Variants in AGO1 observed in about 807,000 individuals in gnomAD.
AGO1 encodes the protein argonaute RISC component 1.
A neutral mutation model predicts 109.2 loss-of-function variants in AGO1; 11 were observed. The observed-to-expected ratio is 0.10, with a 90% CI of 0.06 to 0.17. The LOEUF is 0.17. AGO1 is among the 10% of genes least tolerant of loss of function. AGO1 has a pLI of 1.00. For synonymous variants in AGO1, 422 were observed against 418.6 expected, an observed-to-expected ratio of 1.01 and a Z score of -0.10; for missense variants, 574 against 1,140.3, an observed-to-expected ratio of 0.50 and a Z score of 7.15.
intron 1 of AGO1, among the ~76,000 whole-genome samples, chr1:35,884,971 G>GC (rs1345871278): frequency 3.3e-5 from 5 of 151,784 alleles, no homozygotes; most frequent in African/African-American, 1.2e-4. Flanking sequence ...GAATTATTTT[G>GC]TTTTTTTTGT....
At chr1:35,878,143 G>A (rs1319611058) in intron 1 of AGO1, among the ~76,000 whole-genome samples, 1 of 151,866 alleles carries the variant, frequency 6.6e-6, no homozygotes, top group African/African-American at 2.4e-5. Flanking sequence ...GAGTGCAGTG[G>A]TGCAGTCTCG....
chr1:35,929,837 T>C lies in AGO1; in HGVS notation c.*10230T>C, dbSNP rs1445453595. 1 of 152,234 alleles carries C rather than the reference T, an allele frequency of 6.6e-6. No individual in the cohort carries two copies. The highest frequency in any genetic ancestry group is 1.5e-5 in the Non-Finnish European group (1 of 68,044). 9.4% of individuals were successfully genotyped at this position (152,234 alleles called of 1,614,324 possible). On this transcript the variant is annotated 3_prime_UTR_variant, in exon 19 of 19. Transcript: ENST00000373204. The stretch of plus-strand genomic sequence containing the variant: ...TGGGGAGGATTTTCTCTGTGCTTTA[T>C]GTATATTACCTAACCTTACAAACTG...
At chr1:35,875,829 T>C (rs920034846) in intron 1 of AGO1, among the ~76,000 whole-genome samples, 1 of 152,234 alleles carries the variant, frequency 6.6e-6, no homozygotes, top group African/African-American at 2.4e-5. Flanking sequence ...CTGATGGAGT[T>C]GTACAAGGAG....
intron 1 of AGO1, among the ~76,000 whole-genome samples, chr1:35,874,984 G>T (rs1644981191): frequency 6.6e-6 from 1 of 152,202 alleles, no homozygotes; most frequent in South Asian, 2.1e-4. Context: ...TTTGAAGCTA[G>T]TAGAGATTGG....
chr1:35,897,728 C>CA lies in AGO1; in HGVS notation c.1020+2468dup, dbSNP rs539302152. On this transcript the variant is annotated intron_variant, in intron 8 of 18. Transcript: ENST00000373204. The stretch of plus-strand genomic sequence containing the variant: ...TGGGCAACAGAGGGAGACCCTGTCT[C>CA]AAAAAAAAATAAAAAAACAGCTTTA... Among the ~76,000 whole-genome samples the CA allele has an allele frequency of 1.3e-3, 193 of 147,926 alleles. 1 individual carries two copies. The highest frequency in any genetic ancestry group is 3.4e-3 in the Middle Eastern group (1 of 290).
intron 12 of AGO1, among the ~76,000 whole-genome samples, chr1:35,908,525 A>G (rs768448145): frequency 6.6e-6 from 1 of 152,188 alleles, no homozygotes; most frequent in Non-Finnish European, 1.5e-5. Flanking sequence ...TTGATCACCT[A>G]TTATGTATGG....
intron 11 of AGO1, among the ~76,000 whole-genome samples, chr1:35,905,398 ATTTAC>A (rs1306778657): frequency 6.6e-6 from 1 of 152,096 alleles, no homozygotes; most frequent in Non-Finnish European, 1.5e-5. Flanking sequence ...TTTTTGTCAT[ATTTAC>A]TTTATCCTTT....
chr1:35,901,395 A>T lies in AGO1; in HGVS notation c.1021-79A>T. 1 of 1,583,892 alleles carries T rather than the reference A, an allele frequency of 6.3e-7. No homozygotes were observed. Among genetic ancestry groups the T allele is most frequent in the South Asian group, 1.1e-5 (1 of 88,482 alleles). ...CTTCCCCATGGCTGACAGCCAAGGT[A>T]TCTTTCCTTATTGTGGGGCTCTGGG... On this transcript the variant is annotated intron_variant, in intron 8 of 18. Coordinates refer to ENST00000373204, the MANE Select transcript of AGO1 (RefSeq NM_012199.5). The surrounding 1 kb of genome is among the most constrained non-coding windows in gnomAD (Gnocchi z 4.8).
intron 12 of AGO1, among the ~76,000 whole-genome samples, chr1:35,908,907 C>T (rs1435163818): frequency 6.6e-6 from 1 of 151,654 alleles, no homozygotes; most frequent in Non-Finnish European, 1.5e-5. Flanking sequence ...CAACCTCCAC[C>T]TCCCAGGTTC....
intron 1 of AGO1, among the ~76,000 whole-genome samples, chr1:35,875,052 G>A (rs1292468749): frequency 6.6e-6 from 1 of 152,238 alleles, no homozygotes; most frequent in Non-Finnish European, 1.5e-5. Flanking sequence ...AGGTGCTTAT[G>A]TAGAAGCTGC....
Position 35,922,310 on chromosome 1 carries a change from A to C in AGO1, c.*2703A>C, listed in dbSNP as rs2148727972. ...TACTCTGATTTTTTTGTAAAAAGATAATTTTTGAGACTTGAAAAATACCCC... is the reference window on the plus strand; with the variant it reads ...TACTCTGATTTTTTTGTAAAAAGATCATTTTTGAGACTTGAAAAATACCCC... On this transcript the variant is annotated 3_prime_UTR_variant, in exon 19 of 19. Transcript: ENST00000373204. 1 of 152,692 alleles carries C rather than the reference A, an allele frequency of 6.5e-6. No homozygotes were observed. Among genetic ancestry groups the C allele is most frequent in the African/African-American group, 2.4e-5 (1 of 41,580 alleles). The allele number at this position is 152,692 out of a possible 1,614,324, so 9.5% of individuals were successfully genotyped here.
intron 3 of AGO1, 128 bp from the exon 4 acceptor site, chr1:35,892,969 C>A: frequency 9.7e-7 from 1 of 1,035,270 alleles, no homozygotes; most frequent in Non-Finnish European, 1.4e-6. Context: ...AGGGGCTAGA[C>A]TTACTCTGGA....
chr1:35,909,693 C>CT (rs1462408487), intron 12 of AGO1, among the ~76,000 whole-genome samples: 1 of 152,174 alleles, frequency 6.6e-6, no homozygotes, highest in Non-Finnish European at 1.5e-5. Context: ...TTACTTGATA[C>CT]TTTGTTGTGG....
rs1645938031 is a variant in AGO1 at position 35,926,852 on chromosome 1, T to C, written c.*7245T>C. The C allele has an allele frequency of 6.6e-6, 1 of 152,176 alleles. No homozygotes were observed. The highest frequency in any genetic ancestry group is 6.5e-5 in the Admixed American group (1 of 15,272). 9.4% of individuals were successfully genotyped at this position (152,176 alleles called of 1,614,324 possible). ...ATCATACCAAGGTTTTTTAGGCCTT[T>C]GTGGCTTACCCTGCAGGAACATACT... On this transcript the variant is annotated 3_prime_UTR_variant, in exon 19 of 19. Transcript: ENST00000373204.
chr1:35,928,863 C>T lies in AGO1; in HGVS notation c.*9256C>T, dbSNP rs1018285710. ...TCCTGAGGAGGTTCAACTTTCAGAG[C>T]GCACTGATTTCTCTGCACCTGAGAT... On this transcript the variant is annotated 3_prime_UTR_variant, in exon 19 of 19. Coordinates refer to ENST00000373204, the MANE Select transcript of AGO1 (RefSeq NM_012199.5). The T allele has an allele frequency of 2.0e-5, 3 of 152,174 alleles. No individual in the cohort carries two copies. Among genetic ancestry groups the T allele is most frequent in the Non-Finnish European group, 2.9e-5 (2 of 68,034 alleles). The allele number at this position is 152,174 out of a possible 1,614,324, so 9.4% of individuals were successfully genotyped here.
Position 35,914,226 on chromosome 1 carries a change from T to A in AGO1, c.1785T>A (p.Asp595Glu), listed in dbSNP as rs547329659. 6.2e-7 allele frequency: 1 copy of A among 1,614,078 alleles called. No homozygotes were observed. Among genetic ancestry groups the A allele is most frequent in the Non-Finnish European group, 8.5e-7 (1 of 1,180,042 alleles). The stretch of plus-strand genomic sequence containing the variant: ...AGCCAGTGATATTCCTGGGAGCAGA[T>A]GTTACACACCCCCCAGCAGGGGATG... ...FQQPVIFLGA[D>E]VTHPPAGDGK... The change falls in exon 14 of 19, where the codon GAT becomes GAA. Residue 595 changes from aspartate (D) to glutamate (E), a missense_variant. Asp to Glu is a conservative substitution (Grantham distance 45). Transcript: ENST00000373204.
In AGO1 at chr1:35,888,607, A is replaced by G. The variant is rs1194249910; in HGVS notation, c.206A>G (p.Asn69Ser). ...IKPDKCPRRV[N>S]REVVEYMVQH... is the part of the protein sequence containing the mutation. ...CCGGATAAGTGTCCCCGTAGAGTCAACCGGTAAGTGATGCACACCTAAGCC... is the reference window on the plus strand; with the variant it reads ...CCGGATAAGTGTCCCCGTAGAGTCAGCCGGTAAGTGATGCACACCTAAGCC... The change falls in exon 2 of 19, where the codon AAC becomes AGC. Residue 69 changes from asparagine to serine, a missense_variant. Coordinates refer to ENST00000373204, the MANE Select transcript of AGO1 (RefSeq NM_012199.5). This position sits in a 1 kb window ranked among gnomAD's most constrained non-coding sequence, Gnocchi z 4.1. 1.2e-6 allele frequency: 2 copies of G among 1,614,204 alleles called. No individual in the cohort carries two copies. The highest frequency in any genetic ancestry group is 1.7e-6 in the Non-Finnish European group (2 of 1,180,022).
chr1:35,890,590 TA>T (rs1487017269), intron 2 of AGO1, among the ~76,000 whole-genome samples: 3 of 152,222 alleles, frequency 2.0e-5, no homozygotes, highest in Non-Finnish European at 2.9e-5. Flanking sequence ...ATTCTGCTAC[TA>T]AAATGAAACT....
chr1:35,902,455 C>T, intron 11 of AGO1, 118 bp downstream of exon 11: 1 of 1,316,328 alleles, frequency 7.6e-7, no homozygotes. Context: ...ACTCTGCCTG[C>T]ATTGTGCTTT....
Sources: gnomAD v4.1 joint callset for allele counts (sites outside exome capture counted in the v4.1 genomes callset) on GRCh38, gnomAD v4.1.1 for gene constraint, Gnocchi (gnomAD v3.1) non-coding constraint, MANE v1.5 for transcripts, NCBI Gene and HGNC (gene_info 2026-07-23, HGNC 2026-07-21) for gene names.